Variants in ZNF614 observed in about 807,000 individuals in gnomAD.
ZNF614 encodes zinc finger protein 614.
Under a neutral mutation model 12.8 loss-of-function variants are expected in ZNF614, and 11 were observed. That is an observed-to-expected ratio of 0.86 (90% CI 0.54 to 1.43). The LOEUF is 1.43. Ranked by LOEUF, ZNF614 falls within the 40% of genes most tolerant of loss-of-function variation. ZNF614 has a pLI of 0.00. For missense variants in ZNF614, 664 were observed against 708.8 expected, an observed-to-expected ratio of 0.94 and a Z score of 0.72; for synonymous variants, 237 against 237.5, an observed-to-expected ratio of 1.00 and a Z score of 0.02.
At chr19:52,017,699 T>TAAA (rs76651142) in intron 4 of ZNF614, 34 of 211,284 alleles carry the variant, frequency 1.6e-4, no homozygotes, top group Middle Eastern at 1.5e-3. Context: ...AGACTCAGTC[T>TAAA]AAAAAAAAAA....
rs1357005177 is a variant in ZNF614, at chr19:52,013,799, CTTA to C, written c.*2038_*2040del. On this transcript the variant is annotated 3_prime_UTR_variant, in exon 5 of 5. Transcript: ENST00000270649. ...CGAATCTGTACATGTAATACAACTT[CTTA>C]GAGTACAAACTAAAAAAGAAAAAAA... 2 of 152,052 alleles carry C rather than the reference CTTA, an allele frequency of 1.3e-5. No homozygotes were observed. The highest frequency in any genetic ancestry group is 4.8e-5 in the African/African-American group (2 of 41,404). 9.4% of individuals were successfully genotyped at this position (152,052 alleles called of 1,614,324 possible). A position where few individuals can be genotyped will look rare whatever the true frequency, so the allele number is the denominator to read the frequency against.
intron 4 of ZNF614, 72 bp downstream of exon 4, chr19:52,017,936 T>C (rs1279775286): frequency 4.2e-6 from 5 of 1,179,902 alleles, no homozygotes; most frequent in South Asian, 3.9e-5. Flanking sequence ...AGATACTTCA[T>C]ATATGTGACA....
intron 2 of ZNF614, among the ~76,000 whole-genome samples, chr19:52,019,809 C>T (rs2086922715): frequency 1.3e-5 from 2 of 152,200 alleles, no homozygotes; most frequent in Non-Finnish European, 2.9e-5. Context: ...TTCACAATAA[C>T]TTTTCAGAGA....
rs1225565826 is a variant in ZNF614 at position 52,013,371 on chromosome 19, G to A, written c.*2469C>T. 3.6e-6 allele frequency: 1 copy of A among 281,518 alleles called. No individual in the cohort carries two copies. The highest frequency in any genetic ancestry group is 1.3e-4 in the East Asian group (1 of 7,652). 17.4% of individuals were successfully genotyped at this position (281,518 alleles called of 1,614,324 possible). A position where few individuals can be genotyped will look rare whatever the true frequency, so the allele number is the denominator to read the frequency against. Reference sequence around the variant, plus strand: ...TATAGCACTTAAAACCAGGAAAACAGTGCAAATATATCTCATAGGTGAATG... The same window carrying A: ...TATAGCACTTAAAACCAGGAAAACAATGCAAATATATCTCATAGGTGAATG... On this transcript the variant is annotated 3_prime_UTR_variant, in exon 5 of 5. Coordinates refer to ENST00000270649, the MANE Select transcript of ZNF614 (RefSeq NM_025040.4).
intron 1 of ZNF614, among the ~76,000 whole-genome samples, chr19:52,026,391 G>A (rs777196485): frequency 7.2e-5 from 11 of 152,240 alleles, no homozygotes; most frequent in Non-Finnish European, 1.3e-4. Flanking sequence ...AAGGTTTAAT[G>A]GATTTAGGGC....
chr19:52,028,060 CCAGA>C (rs1211153405), intron 1 of ZNF614, among the ~76,000 whole-genome samples, 178 bp downstream of exon 1: 11 of 152,222 alleles, frequency 7.2e-5, no homozygotes, highest in Admixed American at 5.2e-4. Flanking sequence ...GGCCCCAGAC[CCAGA>C]CAGAGTCGGA....
At chr19:52,019,101 C>T (rs1232667163) in intron 2 of ZNF614, among the ~76,000 whole-genome samples, 1 of 152,082 alleles carries the variant, frequency 6.6e-6, no homozygotes, top group Non-Finnish European at 1.5e-5. Context: ...GATCCTCCTG[C>T]CTCGGCCTTC....
In ZNF614 at chr19:52,016,264, T is replaced by G; in HGVS notation, c.1334A>C (p.His445Pro). ...GFTTKRTLIIHQRTHTGEKPY... is the reference protein window; with the variant it reads ...GFTTKRTLIIPQRTHTGEKPY... ...TTTTTCTCCTGTATGAGTTCGCTGA[T>G]GTATAATAAGAGTGCGCTTTGTGGT... is the stretch of plus-strand genomic sequence containing the variant. Residue 445 changes from histidine to proline, a missense_variant, in exon 5 of 5, where the codon CAT (histidine) becomes CCT (proline). By Grantham distance (77) the His-to-Pro change is moderately conservative (BLOSUM62 -2). Transcript: ENST00000270649. 1 of 1,614,232 alleles carries G rather than the reference T, an allele frequency of 6.2e-7. No homozygotes were observed. Among genetic ancestry groups the G allele is most frequent in the Non-Finnish European group, 8.5e-7 (1 of 1,180,044 alleles).
chr19:52,026,428 G>A (rs1316183426), intron 1 of ZNF614, among the ~76,000 whole-genome samples: 1 of 152,206 alleles, frequency 6.6e-6, no homozygotes, highest in Non-Finnish European at 1.5e-5. Context: ...TGTTAAAAAC[G>A]TGCTTGAAGG....
In ZNF614 at chr19:52,016,169, G is replaced by A; in HGVS notation, c.1429C>T (p.His477Tyr). The change falls in exon 5 of 5, where the codon CAT becomes TAT. Residue 477 changes from histidine (H) to tyrosine (Y), a missense_variant. His to Tyr is a moderately conservative substitution (Grantham distance 83). Transcript: ENST00000270649. ...KICLIQHERC[H>Y]TGKTPFVCTE... ...CATACAAAGGGAGTCTTTCCTGTAT[G>A]ACATCTCTCATGTTGTATGAGGCAT... 1 of 1,614,150 alleles carries A rather than the reference G, an allele frequency of 6.2e-7. No homozygotes were observed. Among genetic ancestry groups the A allele is most frequent in the Non-Finnish European group, 8.5e-7 (1 of 1,180,032 alleles).
chr19:52,020,225 C>T (rs747283321), intron 2 of ZNF614, among the ~76,000 whole-genome samples: 8 of 152,212 alleles, frequency 5.3e-5, no homozygotes, highest in Non-Finnish European at 1.0e-4. Flanking sequence ...CTTAAGGCTA[C>T]ACAGACCACC....
chr19:52,025,283 C>A (rs1348217643), intron 2 of ZNF614, among the ~76,000 whole-genome samples: 1 of 152,094 alleles, frequency 6.6e-6, no homozygotes, highest in Non-Finnish European at 1.5e-5. Flanking sequence ...AAAAGTTGAA[C>A]TACCAACAAA....
Position 52,017,307 on chromosome 19 carries a change from A to G in ZNF614, c.291T>C (p.Leu97=). The change falls in exon 5 of 5, where the codon CTT becomes CTC. Residue 97 remains leucine (L), a synonymous_variant. Coordinates refer to ENST00000270649, the MANE Select transcript of ZNF614 (RefSeq NM_025040.4). ...CATTGCATTGCTGCACGCTCTTCAG[A>G]AGTCTTTGGTTTGGAGAGTGCTCTT... ...HLQEHSPNQR[L]LKSVQQCNGQ... 1.9e-6 allele frequency: 3 copies of G among 1,612,982 alleles called. No homozygotes were observed. The highest frequency in any genetic ancestry group is 2.5e-6 in the Non-Finnish European group (3 of 1,179,778).
chr19:52,024,859 G>T (rs1028429777), intron 2 of ZNF614, among the ~76,000 whole-genome samples: 1 of 152,208 alleles, frequency 6.6e-6, no homozygotes, highest in Non-Finnish European at 1.5e-5. Flanking sequence ...ATATGGCCTC[G>T]TGGGAAGGGA....
chr19:52,016,386 A>G lies in ZNF614; in HGVS notation c.1212T>C (p.Cys404=), dbSNP rs2086897562. 2 of 1,613,796 alleles carry G rather than the reference A, an allele frequency of 1.2e-6. No homozygotes were observed. The highest frequency in any genetic ancestry group is 2.7e-5 in the African/African-American group (2 of 75,064). The change falls in exon 5 of 5, where the codon TGT becomes TGC. Residue 404 remains cysteine (C), a synonymous_variant. Transcript: ENST00000270649. ...TGCGTTTGACAGTGAAGCCTTTTCC[A>G]CATTCGCTGCATATGTAAGATTTTT... is the stretch of plus-strand genomic sequence containing the variant. ...TGEKSYICSE[C]GKGFTVKRTL...
intron 2 of ZNF614, among the ~76,000 whole-genome samples, chr19:52,023,153 C>CAAT (rs906962108): frequency 1.4e-5 from 2 of 144,184 alleles, no homozygotes; most frequent in African/African-American, 5.1e-5. Context: ...TGTCTCAAAA[C>CAAT]AATAATAATA....
At chr19:52,022,686 G>A (rs1329631358) in intron 2 of ZNF614, among the ~76,000 whole-genome samples, 3 of 151,688 alleles carry the variant, frequency 2.0e-5, no homozygotes, top group Non-Finnish European at 4.4e-5. Context: ...ATAAATTAGA[G>A]GCTCCCACAA....
Position 52,017,209 on chromosome 19 carries a change from A to T in ZNF614, c.389T>A (p.Phe130Tyr), listed in dbSNP as rs757510858. Residue 130 changes from phenylalanine (F) to tyrosine (Y), a missense_variant, in exon 5 of 5, where the codon TTT (phenylalanine) becomes TAT (tyrosine). Phe to Tyr is a conservative substitution (Grantham distance 22). Transcript: ENST00000270649. ...HFPIVQNHDT[F>Y]DLYRKNLKSS... is the part of the protein sequence containing the mutation. The stretch of plus-strand genomic sequence containing the variant: ...TTTCAAATTTTTTCTGTACAAGTCA[A>T]ATGTATCATGATTTTGCACTATAGG... 6.2e-7 allele frequency: 1 copy of T among 1,614,190 alleles called. No individual in the cohort carries two copies. The highest frequency in any genetic ancestry group is 8.5e-7 in the Non-Finnish European group (1 of 1,180,038).
In ZNF614 at chr19:52,027,308, C is replaced by T. The variant is rs563779561; in HGVS notation, c.-217+934G>A. Among the ~76,000 whole-genome samples the T allele has an allele frequency of 3.9e-5, 6 of 152,324 alleles. No individual in the cohort carries two copies. In the South Asian group the frequency reaches 1.2e-3, roughly 32 times the overall value. On this transcript the variant is annotated intron_variant, in intron 1 of 4. Coordinates refer to ENST00000270649, the MANE Select transcript of ZNF614 (RefSeq NM_025040.4). Reference sequence around the variant, plus strand: ...TGGGTATACATACCTCGTGTCAAGACCAATGTACTAAGCAAATCACAAGAA... The same window carrying T: ...TGGGTATACATACCTCGTGTCAAGATCAATGTACTAAGCAAATCACAAGAA...
Sources: gnomAD v4.1 joint callset for allele counts (sites outside exome capture counted in the v4.1 genomes callset) on GRCh38, gnomAD v4.1.1 for gene constraint, MANE v1.5 for transcripts, NCBI Gene and HGNC (gene_info 2026-07-23, HGNC 2026-07-21) for gene names.